Variants in CSMD3 observed in about 807,000 individuals in gnomAD.
The protein encoded by CSMD3 is CUB and sushi domain-containing protein 3.
In CSMD3, 177 loss-of-function variants were observed where a neutral mutation model predicts 435.2. That is an observed-to-expected ratio of 0.41 (90% CI 0.36 to 0.46). The LOEUF is 0.46. CSMD3 is among the 20% of genes least tolerant of loss of function. The pLI is 0.34. For missense variants in CSMD3, 4,265 were observed against 4,504.6 expected, an observed-to-expected ratio of 0.95 and a Z score of 1.52; for synonymous variants, 1,656 against 1,520.5, an observed-to-expected ratio of 1.09 and a Z score of -2.07.
intron 1 of CSMD3, among the ~76,000 whole-genome samples, chr8:113,357,969 C>T (rs1197370845): frequency 6.6e-6 from 1 of 152,178 alleles, no homozygotes; most frequent in African/African-American, 2.4e-5. Flanking sequence ...ATAAATTACC[C>T]AGTCTCAGGT....
chr8:113,403,073 A>G (rs1234787974), intron 1 of CSMD3, among the ~76,000 whole-genome samples: 1 of 151,382 alleles, frequency 6.6e-6, no homozygotes, highest in Non-Finnish European at 1.5e-5. Context: ...TATCTTTAGA[A>G]TCAGTGGGAG....
At chr8:113,006,036 G>T (rs2086043496) in intron 6 of CSMD3, among the ~76,000 whole-genome samples, 1 of 152,010 alleles carries the variant, frequency 6.6e-6, no homozygotes, top group South Asian at 2.1e-4. Flanking sequence ...AACTGCAAGG[G>T]CCTAACCATA....
At chr8:113,166,852 T>A (rs2092159897) in intron 4 of CSMD3, among the ~76,000 whole-genome samples, 1 of 152,174 alleles carries the variant, frequency 6.6e-6, no homozygotes. Flanking sequence ...ACTCTTAGTA[T>A]GTTTGTCCTC....
intron 28 of CSMD3, among the ~76,000 whole-genome samples, chr8:112,513,152 C>A (rs1457786341): frequency 2.0e-5 from 3 of 152,194 alleles, no homozygotes; most frequent in African/African-American, 7.2e-5. Flanking sequence ...CCTGTGTTCA[C>A]TAGAGTAGAA....
intron 4 of CSMD3, among the ~76,000 whole-genome samples, chr8:113,169,417 C>A (rs1378529586): frequency 6.6e-6 from 1 of 152,104 alleles, no homozygotes; most frequent in Non-Finnish European, 1.5e-5. Flanking sequence ...ACTCTGTCAA[C>A]ATTTTATAGC....
At chr8:112,471,920 C>A (rs932246984) in intron 32 of CSMD3, among the ~76,000 whole-genome samples, 1 of 152,172 alleles carries the variant, frequency 6.6e-6, no homozygotes, top group African/African-American at 2.4e-5. Context: ...GTGAACAGAA[C>A]TTAATCTAGG....
chr8:112,470,723 T>A (rs1166406044), intron 32 of CSMD3, among the ~76,000 whole-genome samples: 1 of 151,986 alleles, frequency 6.6e-6, no homozygotes, highest in African/African-American at 2.4e-5. Flanking sequence ...AGAGGCAGTC[T>A]CAAAGAGATT....
At chr8:113,230,467 C>A (rs2093073057) in intron 3 of CSMD3, among the ~76,000 whole-genome samples, 1 of 151,522 alleles carries the variant, frequency 6.6e-6, no homozygotes, top group Admixed American at 6.6e-5. Flanking sequence ...TAGATGTCAT[C>A]AGAACCAGAG....
chr8:112,383,790 G>A, intron 36 of CSMD3, 127 bp from the exon 37 acceptor site: 1 of 715,056 alleles, frequency 1.4e-6, no homozygotes, highest in Non-Finnish European at 2.5e-6. Flanking sequence ...CTTCATAGAA[G>A]GGTTTTTAAC....
At chr8:112,828,565 G>A (rs991229632) in intron 12 of CSMD3, among the ~76,000 whole-genome samples, 2 of 152,110 alleles carry the variant, frequency 1.3e-5, no homozygotes, top group Admixed American at 6.5e-5. Flanking sequence ...AGGTCTCCCA[G>A]TCATGCTTCC....
intron 10 of CSMD3, among the ~76,000 whole-genome samples, chr8:112,872,788 C>T (rs1239684514): frequency 6.6e-6 from 1 of 151,740 alleles, no homozygotes; most frequent in East Asian, 1.9e-4. Context: ...GCCTATTTTT[C>T]CCAGTAAGAA....
intron 32 of CSMD3, among the ~76,000 whole-genome samples, chr8:112,410,495 AAT>A (rs4029455): frequency 0.21 from 26,042 of 122,564 alleles, 3,935 homozygotes; most frequent in African/African-American, 0.44. Flanking sequence ...AAATACTCCA[AAT>A]ATATATATAT....
chr8:112,971,316 G>A (rs2084648432), intron 7 of CSMD3, among the ~76,000 whole-genome samples: 1 of 152,058 alleles, frequency 6.6e-6, no homozygotes, highest in African/African-American at 2.4e-5. Flanking sequence ...CTATGACACA[G>A]GTGTTCTCAG....
chr8:112,988,810 A>T lies in CSMD3; in HGVS notation c.1031-12662T>A, dbSNP rs574879859. On this transcript the variant is annotated intron_variant, in intron 6 of 70. Coordinates refer to ENST00000297405, the MANE Select transcript of CSMD3 (RefSeq NM_198123.2). ...ATTAGTACTCAGCCAACTATTCCCCACTGTCCCTAATAATCATAGCCTAAC... is the reference window on the plus strand; with the variant it reads ...ATTAGTACTCAGCCAACTATTCCCCTCTGTCCCTAATAATCATAGCCTAAC... Among the ~76,000 whole-genome samples, 37 of 152,106 alleles carry T rather than the reference A, an allele frequency of 2.4e-4. No individual in the cohort carries two copies. In the South Asian group the frequency reaches 7.5e-3, roughly 31 times the overall value.
At chr8:112,921,042 TAC>T (rs2082729180) in intron 10 of CSMD3, among the ~76,000 whole-genome samples, 1 of 148,102 alleles carries the variant, frequency 6.8e-6, no homozygotes, top group Non-Finnish European at 1.5e-5. Flanking sequence ...CACATATATA[TAC>T]CTCCAGTAAT....
chr8:113,424,185 G>C (rs78697943), intron 1 of CSMD3, among the ~76,000 whole-genome samples: 1 of 151,570 alleles, frequency 6.6e-6, no homozygotes, highest in Non-Finnish European at 1.5e-5. Context: ...TGTGAAATAC[G>C]TGATGATATT....
chr8:112,852,785 G>C (rs1263892858), intron 11 of CSMD3, among the ~76,000 whole-genome samples: 1 of 152,050 alleles, frequency 6.6e-6, no homozygotes, highest in Non-Finnish European at 1.5e-5. Flanking sequence ...AGCTGGGCAT[G>C]GTGGTGGGCG....
At chr8:112,552,843 G>T in intron 25 of CSMD3, 123 bp from the exon 26 acceptor site, 1 of 823,380 alleles carries the variant, frequency 1.2e-6, no homozygotes, top group Non-Finnish European at 1.9e-6. Context: ...GTATACATTT[G>T]TATAAACTTT....
chr8:113,337,118 T>A (rs2094081986), intron 1 of CSMD3, among the ~76,000 whole-genome samples: 1 of 152,128 alleles, frequency 6.6e-6, no homozygotes, highest in Non-Finnish European at 1.5e-5. Context: ...TGTCTGTCAT[T>A]TCCAAGTTAC....
Sources: gnomAD v4.1 joint callset for allele counts (sites outside exome capture counted in the v4.1 genomes callset) on GRCh38, gnomAD v4.1.1 for gene constraint, MANE v1.5 for transcripts, NCBI Gene and HGNC (gene_info 2026-07-23, HGNC 2026-07-21) for gene names.